The following MAN1A1 variants were observed in gnomAD, a reference collection of about 807,000 sequenced individuals.
MAN1A1 encodes mannosyl-oligosaccharide 1,2-alpha-mannosidase IA.
MAN1A1 carries 29 observed loss-of-function variants against 70.8 expected under a neutral mutation model. The observed-to-expected ratio is 0.41, with a 90% CI of 0.31 to 0.56. MAN1A1 has a LOEUF of 0.56. Among genes scored for constraint, MAN1A1 ranks in the 20% least tolerant of loss-of-function variants. The pLI is 0.29. For missense variants in MAN1A1, 747 were observed against 841.3 expected, an observed-to-expected ratio of 0.89 and a Z score of 1.39; for synonymous variants, 349 against 330.1, an observed-to-expected ratio of 1.06 and a Z score of -0.62.
Position 119,207,717 on chromosome 6 carries a change from T to C in MAN1A1, c.993-2835A>G, listed in dbSNP as rs137929239. Reference sequence around the variant, plus strand: ...AATCTATGTGTTTATAAGGCTTTAATGTTTAGAATGATGTATGGACATGGG... The same window carrying C: ...AATCTATGTGTTTATAAGGCTTTAACGTTTAGAATGATGTATGGACATGGG... On this transcript the variant is annotated intron_variant, in intron 6 of 12. Coordinates refer to ENST00000368468, the MANE Select transcript of MAN1A1 (RefSeq NM_005907.4). Among the ~76,000 whole-genome samples, 492 of 152,342 alleles carry C rather than the reference T, an allele frequency of 3.2e-3. 1 individual carries two copies. The highest frequency in any genetic ancestry group is 0.011 in the African/African-American group (460 of 41,586).
chr6:119,180,020 C>G, intron 12 of MAN1A1, 75 bp from the exon 13 acceptor site: 1 of 1,442,344 alleles, frequency 6.9e-7, no homozygotes. Flanking sequence ...ACAGCAAAAA[C>G]CACATCAATG....
intron 6 of MAN1A1, among the ~76,000 whole-genome samples, chr6:119,233,929 T>TA (rs1308610240): frequency 6.6e-6 from 1 of 152,248 alleles, no homozygotes; most frequent in East Asian, 1.9e-4. Flanking sequence ...CAATACTTTG[T>TA]AAAGAGCTGG....
chr6:119,255,094 C>T (rs1024254279), intron 5 of MAN1A1, among the ~76,000 whole-genome samples: 1 of 152,132 alleles, frequency 6.6e-6, no homozygotes, highest in African/African-American at 2.4e-5. Flanking sequence ...GTTTTCTTTG[C>T]CTTCCTAGTT....
At chr6:119,206,082 C>T (rs1024906031) in intron 6 of MAN1A1, among the ~76,000 whole-genome samples, 9 of 152,174 alleles carry the variant, frequency 5.9e-5, no homozygotes, top group African/African-American at 2.2e-4. Flanking sequence ...TCTTGAAGGG[C>T]AAGTACGAGT....
At chr6:119,325,205 GGAGGTTAA>G (rs1175189638) in intron 2 of MAN1A1, among the ~76,000 whole-genome samples, 2 of 152,166 alleles carry the variant, frequency 1.3e-5, no homozygotes, top group East Asian at 3.9e-4. Flanking sequence ...TGAGGTATAG[GGAGGTTAA>G]GTAACTTGCC....
intron 2 of MAN1A1, among the ~76,000 whole-genome samples, chr6:119,326,963 C>T (rs1773162481): frequency 6.6e-6 from 1 of 152,192 alleles, no homozygotes; most frequent in Non-Finnish European, 1.5e-5. Context: ...TGTACACATA[C>T]ATAGTACCAA....
In MAN1A1 at chr6:119,277,212, C is replaced by T. The variant is rs188876348; in HGVS notation, c.897+13471G>A. On this transcript the variant is annotated intron_variant, in intron 5 of 12. Transcript: ENST00000368468. ...TCAAATGCAAACAAATTGTGGCATACTCAGATATATGACCTCTCTTGGGAA... is the reference window on the plus strand; with the variant it reads ...TCAAATGCAAACAAATTGTGGCATATTCAGATATATGACCTCTCTTGGGAA... Among the ~76,000 whole-genome samples, 3 of 152,220 alleles carry T rather than the reference C, an allele frequency of 2.0e-5. No individual in the cohort carries two copies. The East Asian group carries it at 5.8e-4, about 29-fold the overall frequency.
At chr6:119,311,569 C>T (rs1367951049) in intron 2 of MAN1A1, among the ~76,000 whole-genome samples, 3 of 152,090 alleles carry the variant, frequency 2.0e-5, no homozygotes. Context: ...GGGAAAAAGA[C>T]AGGACCACAG....
At chr6:119,347,838 G>A (rs527605188) in intron 2 of MAN1A1, among the ~76,000 whole-genome samples, 2 of 152,338 alleles carry the variant, frequency 1.3e-5, no homozygotes, top group Admixed American at 6.5e-5. Context: ...AGGCAAACCT[G>A]TTGCATCACA....
At chr6:119,328,043 C>T (rs944395695) in intron 2 of MAN1A1, among the ~76,000 whole-genome samples, 1 of 152,110 alleles carries the variant, frequency 6.6e-6, no homozygotes, top group African/African-American at 2.4e-5. Context: ...TCATTTTTGG[C>T]CTTATGAGAC....
intron 5 of MAN1A1, among the ~76,000 whole-genome samples, chr6:119,284,209 T>C (rs1403746973): frequency 1.3e-5 from 2 of 152,230 alleles, no homozygotes; most frequent in Non-Finnish European, 2.9e-5. Flanking sequence ...GCTGAAGGGA[T>C]ACTTGATTTC....
chr6:119,236,600 C>T (rs982936611), intron 6 of MAN1A1, among the ~76,000 whole-genome samples: 2 of 149,900 alleles, frequency 1.3e-5, no homozygotes, highest in South Asian at 2.1e-4. Flanking sequence ...CCCAGCTACT[C>T]GGGAGGTTGA....
At chr6:119,319,787 C>A (rs1455905960) in intron 2 of MAN1A1, among the ~76,000 whole-genome samples, 1 of 152,170 alleles carries the variant, frequency 6.6e-6, no homozygotes, top group Non-Finnish European at 1.5e-5. Flanking sequence ...TCTTTCCTGG[C>A]CTCTTCACAG....
chr6:119,325,827 A>G (rs1443011796), intron 2 of MAN1A1, among the ~76,000 whole-genome samples: 2 of 152,228 alleles, frequency 1.3e-5, no homozygotes, highest in African/African-American at 2.4e-5. Context: ...AATATTCCCT[A>G]CATGTGGATA....
At chr6:119,182,807 T>G (rs1252182271) in intron 11 of MAN1A1, among the ~76,000 whole-genome samples, 1 of 152,194 alleles carries the variant, frequency 6.6e-6, no homozygotes, top group Non-Finnish European at 1.5e-5. Context: ...GTTTCTCATG[T>G]CATTTTTCAC....
intron 4 of MAN1A1, among the ~76,000 whole-genome samples, chr6:119,298,410 T>A (rs1342760703): frequency 6.6e-6 from 1 of 152,204 alleles, no homozygotes; most frequent in East Asian, 1.9e-4. Context: ...AATTACAGTA[T>A]AAACCAATAC....
intron 6 of MAN1A1, among the ~76,000 whole-genome samples, chr6:119,224,642 T>A (rs886221567): frequency 6.6e-6 from 1 of 152,114 alleles, no homozygotes; most frequent in Non-Finnish European, 1.5e-5. Flanking sequence ...TTACCAGACA[T>A]ATAAAGAAAT....
intron 2 of MAN1A1, chr6:119,327,138 G>A (rs1010450848): frequency 3.3e-5 from 5 of 152,138 alleles, no homozygotes; most frequent in Non-Finnish European, 7.3e-5. Flanking sequence ...GATTATCCAG[G>A]TGGGCCCAAT....
intron 4 of MAN1A1, among the ~76,000 whole-genome samples, chr6:119,292,630 T>C (rs1424520309): frequency 2.6e-5 from 4 of 151,934 alleles, no homozygotes; most frequent in African/African-American, 9.7e-5. Context: ...TTGCTTAAGT[T>C]AAAAAAATTC....
Sources: allele counts gnomAD v4.1 joint callset (sites outside exome capture counted in the v4.1 genomes callset), GRCh38; gene constraint gnomAD v4.1.1; transcripts MANE v1.5; gene names NCBI Gene and HGNC (gene_info 2026-07-23, HGNC 2026-07-21).